TLE4: variants seen among roughly 807,000 people sequenced by gnomAD.
TLE4 encodes TLE family member 4, transcriptional corepressor, also known as transducin-like enhancer protein 4.
Under a neutral mutation model 92.8 loss-of-function variants are expected in TLE4, and 8 were observed. That is an observed-to-expected ratio of 0.09 (90% CI 0.05 to 0.16). TLE4 has a LOEUF of 0.16. Among genes scored for constraint, TLE4 ranks in the 10% least tolerant of loss-of-function variants. The pLI is 1.00. For missense variants in TLE4, 675 were observed against 997.6 expected, an observed-to-expected ratio of 0.68 and a Z score of 4.36; for synonymous variants, 371 against 374.1, an observed-to-expected ratio of 0.99 and a Z score of 0.10.
rs931317355 is a variant in TLE4, at chr9:79,652,689, A to G, written c.487A>G (p.Ile163Val). The part of the protein sequence containing the change: ...SGLQPPAIPP[I>V]GSSAGLLALS... The stretch of plus-strand genomic sequence containing the variant: ...GCTCCAGCCCCCTGCCATTCCACCC[A>G]TCGGTAGCAGTGCCGGGCTTCTGGC... The change falls in exon 7 of 20, where the codon ATC (isoleucine) becomes GTC (valine). Residue 163 changes from isoleucine (I) to valine (V), a missense_variant. This residue lies in a region of TLE4 where 280 missense variants were observed against 287.3 expected (regional missense o/e 0.97). Coordinates refer to ENST00000376552, the MANE Select transcript of TLE4 (RefSeq NM_007005.6). The G allele has an allele frequency of 2.5e-6, 4 of 1,613,904 alleles. No homozygotes were observed. The highest frequency in any genetic ancestry group is 3.4e-6 in the Non-Finnish European group (4 of 1,180,004).
chr9:79,631,758 T>G (rs557752969), intron 6 of TLE4, among the ~76,000 whole-genome samples: 1 of 151,956 alleles, frequency 6.6e-6, no homozygotes, highest in East Asian at 1.9e-4. Flanking sequence ...AAACTGCCAT[T>G]TTAACTTTCA....
In TLE4 at chr9:79,581,409, T is replaced by TC. The variant is rs1157251931; in HGVS notation, c.252+5235dup. ...GTGTTTTCCGAATACTGTGGGGAGT[T>TC]CCCTTTTTCCTTCTCCCATGATGGA... On this transcript the variant is annotated intron_variant, in intron 4 of 19. Coordinates refer to ENST00000376552, the MANE Select transcript of TLE4 (RefSeq NM_007005.6). Among the ~76,000 whole-genome samples the TC allele has an allele frequency of 2.6e-5, 4 of 152,180 alleles. 1 individual carries two copies. Among genetic ancestry groups the TC allele is most frequent in the African/African-American group, 7.2e-5 (3 of 41,432 alleles).
chr9:79,584,218 A>T (rs939374035), intron 4 of TLE4, among the ~76,000 whole-genome samples: 3 of 152,204 alleles, frequency 2.0e-5, no homozygotes, highest in Non-Finnish European at 4.4e-5. Flanking sequence ...TTTCTGCAAC[A>T]TGAGGAGCAT....
intron 6 of TLE4, among the ~76,000 whole-genome samples, chr9:79,641,915 G>A (rs1292920481): frequency 6.6e-6 from 1 of 151,196 alleles, no homozygotes; most frequent in Non-Finnish European, 1.5e-5. Context: ...ACTCATGAGT[G>A]TACAGTGAAG....
chr9:79,589,444 C>T (rs995318280), intron 4 of TLE4, among the ~76,000 whole-genome samples: 4 of 152,042 alleles, frequency 2.6e-5, no homozygotes, highest in Admixed American at 1.3e-4. Flanking sequence ...TAAACCTTCT[C>T]GGTGGGAGGG....
chr9:79,621,976 A>G (rs1171712310), intron 5 of TLE4, among the ~76,000 whole-genome samples: 2 of 152,216 alleles, frequency 1.3e-5, no homozygotes, highest in African/African-American at 2.4e-5. Context: ...CCTCTCTGCC[A>G]TCCACCTTCT....
intron 4 of TLE4, among the ~76,000 whole-genome samples, chr9:79,598,769 G>A (rs2044760558): frequency 6.6e-6 from 1 of 151,872 alleles, no homozygotes; most frequent in African/African-American, 2.4e-5. Context: ...AGATTTCCAG[G>A]GCTCCTCTGT....
At chr9:79,632,865 C>A (rs1459094862) in intron 6 of TLE4, among the ~76,000 whole-genome samples, 4 of 152,106 alleles carry the variant, frequency 2.6e-5, no homozygotes, top group Non-Finnish European at 5.9e-5. Context: ...ACATGCTGGC[C>A]ACTGTCTGTG....
chr9:79,615,848 T>C (rs1284202029), intron 5 of TLE4, among the ~76,000 whole-genome samples: 1 of 152,198 alleles, frequency 6.6e-6, no homozygotes, highest in African/African-American at 2.4e-5. Context: ...TAATGTGCTG[T>C]TGCACTCACG....
chr9:79,718,892 C>T lies in TLE4; in HGVS notation c.1511C>T (p.Thr504Met), dbSNP rs764833101. The T allele has an allele frequency of 1.2e-6, 2 of 1,614,150 alleles. No individual in the cohort carries two copies. The highest frequency in any genetic ancestry group is 1.7e-6 in the Non-Finnish European group (2 of 1,180,028). ...AGCAACCCCACGAGACACGTGTACA[C>T]GGGTGGGAAGGGCTGCGTCAAGGTC... Reference protein sequence around the residue: ...TISNPTRHVYTGGKGCVKVWD... With the variant: ...TISNPTRHVYMGGKGCVKVWD... Residue 504 changes from threonine to methionine, a missense_variant, in exon 15 of 20, where the codon ACG becomes ATG. Physicochemically the swap from Thr to Met is moderately conservative, Grantham distance 81 (BLOSUM62 -1). Coordinates refer to ENST00000376552, the MANE Select transcript of TLE4 (RefSeq NM_007005.6).
At position 79,718,857 on chromosome 9, in the gene TLE4, G is replaced by A. The variant is rs750633734; in HGVS notation, c.1476G>A (p.Ala492=). 3.7e-5 allele frequency: 59 copies of A among 1,614,032 alleles called. No individual in the cohort carries two copies. The highest frequency in any genetic ancestry group is 6.7e-5 in the African/African-American group (5 of 74,898). Residue 492 remains alanine, a synonymous_variant, in exon 15 of 20, where the codon GCG becomes GCA. Transcript: ENST00000376552. ...TCAACCACGGGGAGGTGGTGTGCGCGGTGACCATCAGCAACCCCACGAGAC... is the reference window on the plus strand; with the variant it reads ...TCAACCACGGGGAGGTGGTGTGCGCAGTGACCATCAGCAACCCCACGAGAC... The part of the protein sequence containing the change: ...NTLNHGEVVC[A]VTISNPTRHV...
chr9:79,643,407 A>C (rs1404933763), intron 6 of TLE4, among the ~76,000 whole-genome samples: 1 of 152,190 alleles, frequency 6.6e-6, no homozygotes, highest in African/African-American at 2.4e-5. Context: ...ACAGCTCATA[A>C]TCATATTTCT....
intron 11 of TLE4, chr9:79,707,340 C>CT (rs2071921462): frequency 1.6e-5 from 13 of 794,456 alleles, no homozygotes; most frequent in Non-Finnish European, 2.7e-5. Context: ...TTACAAAAGT[C>CT]TATCTTGACT....
At chr9:79,614,842 G>A (rs1564393499) in intron 5 of TLE4, among the ~76,000 whole-genome samples, 1 of 152,014 alleles carries the variant, frequency 6.6e-6, no homozygotes, top group South Asian at 2.1e-4. Context: ...TGTATTTTAT[G>A]TGTAGCCCAC....
At chr9:79,716,608 A>G (rs1446324223) in intron 14 of TLE4, among the ~76,000 whole-genome samples, 1 of 152,198 alleles carries the variant, frequency 6.6e-6, no homozygotes, top group Non-Finnish European at 1.5e-5. Flanking sequence ...GAATAAATGA[A>G]TAATTAGCAC....
rs1565060664 is a variant in TLE4 at position 79,704,769 on chromosome 9, C to T, written c.610-14C>T. 3.1e-6 allele frequency: 5 copies of T among 1,604,068 alleles called. No individual in the cohort carries two copies. In the South Asian group the frequency reaches 5.6e-5, roughly 18 times the overall value. On this transcript the variant is annotated splice_polypyrimidine_tract_variant and intron_variant, in intron 8 of 19. Coordinates refer to ENST00000376552, the MANE Select transcript of TLE4 (RefSeq NM_007005.6). The stretch of plus-strand genomic sequence containing the variant: ...ATAATTTCTCAACCATGCTTCCTCT[C>T]CTTCTAATTCCAGAGCTCTTCAGTA...
chr9:79,577,464 G>A (rs2038209372), intron 4 of TLE4, among the ~76,000 whole-genome samples: 1 of 152,148 alleles, frequency 6.6e-6, no homozygotes, highest in Non-Finnish European at 1.5e-5. Flanking sequence ...AGTTTGAATG[G>A]CCTGTTGAAA....
At chr9:79,723,686 C>T (rs2075997580) in intron 19 of TLE4, among the ~76,000 whole-genome samples, 1 of 152,062 alleles carries the variant, frequency 6.6e-6, no homozygotes, top group Non-Finnish European at 1.5e-5. Context: ...TCCTAGTGTT[C>T]TTTTTTACAA....
chr9:79,597,751 A>G (rs539008612), intron 4 of TLE4, among the ~76,000 whole-genome samples: 1 of 152,240 alleles, frequency 6.6e-6, no homozygotes, highest in East Asian at 1.9e-4. Flanking sequence ...TTACTCTTGC[A>G]TTTGTTTACT....
Sources: gnomAD v4.1 joint callset for allele counts (sites outside exome capture counted in the v4.1 genomes callset) on GRCh38, gnomAD v4.1.1 for gene constraint, gnomAD v4.1.1 regional missense constraint, MANE v1.5 for transcripts, NCBI Gene and HGNC (gene_info 2026-07-23, HGNC 2026-07-21) for gene names.